Variants in PLD1 observed in about 807,000 individuals in gnomAD.
The protein encoded by PLD1 is phospholipase D1.
Under a neutral mutation model 137.1 loss-of-function variants are expected in PLD1, and 112 were observed. The observed-to-expected ratio is 0.82, with a 90% CI of 0.70 to 0.96. PLD1 has a LOEUF of 0.96. Among genes scored for constraint, PLD1 ranks in the 40% least tolerant of loss-of-function variants. PLD1 has a pLI of 0.00. For synonymous variants in PLD1, 431 were observed against 454.7 expected, an observed-to-expected ratio of 0.95 and a Z score of 0.66; for missense variants, 1,321 against 1,342.0, an observed-to-expected ratio of 0.98 and a Z score of 0.24.
At chr3:171,698,410 A>C (rs1560228723) in intron 12 of PLD1, among the ~76,000 whole-genome samples, 1 of 152,252 alleles carries the variant, frequency 6.6e-6, no homozygotes, top group Non-Finnish European at 1.5e-5. Context: ...ATGTGTTTCA[A>C]ATAAATATTA....
chr3:171,674,537 C>G lies in PLD1; in HGVS notation c.2192G>C (p.Arg731Thr), dbSNP rs769771470. The change falls in exon 19 of 27, where the codon AGA becomes ACA. Residue 731 changes from arginine to threonine, a missense_variant. Arg to Thr is a moderately conservative substitution (Grantham distance 71). Coordinates refer to ENST00000351298, the MANE Select transcript of PLD1 (RefSeq NM_002662.5). ...PKSQTTAHEL[R>T]YQVPGSVHAN... ...ATGGACAGACCCAGGCACTTGATAT[C>G]TCAACTCATGGGCTGTTGTTTGAGA... 72 of 1,610,326 alleles carry G rather than the reference C, an allele frequency of 4.5e-5. No individual in the cohort carries two copies. Among genetic ancestry groups the G allele is most frequent in the Non-Finnish European group, 5.2e-5 (61 of 1,176,964 alleles).
At chr3:171,692,493 A>G (rs763574567) in intron 12 of PLD1, 51 bp from the exon 13 acceptor site, 2 of 875,228 alleles carry the variant, frequency 2.3e-6, no homozygotes, top group Non-Finnish European at 3.9e-6. Flanking sequence ...GAGGGAAGTT[A>G]CAATTCATTT....
intron 8 of PLD1, among the ~76,000 whole-genome samples, chr3:171,721,918 A>AT (rs1399516574): frequency 6.6e-6 from 1 of 151,912 alleles, no homozygotes; most frequent in Non-Finnish European, 1.5e-5. Flanking sequence ...GCTTAATGGT[A>AT]TTTTTTTGTT....
At chr3:171,715,406 TTTG>T (rs1717598561) in intron 8 of PLD1, among the ~76,000 whole-genome samples, 1 of 152,154 alleles carries the variant, frequency 6.6e-6, no homozygotes. Context: ...CTAGCTTTGG[TTTG>T]TTTTTTGTTT....
At chr3:171,677,817 C>T (rs922738887) in intron 16 of PLD1, 123 bp from the exon 17 acceptor site, 3 of 923,452 alleles carry the variant, frequency 3.2e-6, no homozygotes, top group Non-Finnish European at 4.9e-6. Context: ...ACTAGGGTGG[C>T]ATCTGTCCAT....
At chr3:171,729,176 A>G (rs967560664) in intron 6 of PLD1, among the ~76,000 whole-genome samples, 1 of 152,210 alleles carries the variant, frequency 6.6e-6, no homozygotes, top group African/African-American at 2.4e-5. Flanking sequence ...GGCTTATTCC[A>G]TTGATCTTTT....
At chr3:171,703,636 A>G (rs1270164065) in intron 11 of PLD1, among the ~76,000 whole-genome samples, 1 of 152,250 alleles carries the variant, frequency 6.6e-6, no homozygotes, top group Non-Finnish European at 1.5e-5. Flanking sequence ...TATACATAGA[A>G]AAATACAAAA....
intron 23 of PLD1, among the ~76,000 whole-genome samples, chr3:171,627,494 C>T (rs558404109): frequency 6.6e-6 from 1 of 152,260 alleles, no homozygotes; most frequent in South Asian, 2.1e-4. Flanking sequence ...GAACTCAGCT[C>T]TGCACCAAGC....
Position 171,735,645 on chromosome 3 carries a change from G to A in PLD1, c.289-8C>T. Reference sequence around the variant, plus strand: ...AAGATTAATACTTGGTACCTACAGTGATACATAAAAATGTTTGATATTTTA... The same window carrying A: ...AAGATTAATACTTGGTACCTACAGTAATACATAAAAATGTTTGATATTTTA... On this transcript the variant is annotated splice_polypyrimidine_tract_variant and splice_region_variant and intron_variant, in intron 3 of 26. Transcript: ENST00000351298. 2 of 1,448,878 alleles carry A rather than the reference G, an allele frequency of 1.4e-6. No homozygotes were observed. Among genetic ancestry groups the A allele is most frequent in the Non-Finnish European group, 1.9e-6 (2 of 1,032,026 alleles). 89.8% of individuals were successfully genotyped at this position (1,448,878 alleles called of 1,614,324 possible).
chr3:171,794,434 A>G (rs1258708132), intron 1 of PLD1, among the ~76,000 whole-genome samples: 2 of 152,156 alleles, frequency 1.3e-5, no homozygotes, highest in Non-Finnish European at 2.9e-5. Flanking sequence ...AGACTACTGG[A>G]TGTGAAAAGA....
chr3:171,699,805 C>T lies in PLD1; in HGVS notation c.1167G>A (p.Leu389=). 1 of 1,613,902 alleles carries T rather than the reference C, an allele frequency of 6.2e-7. No homozygotes were observed. The highest frequency in any genetic ancestry group is 8.5e-7 in the Non-Finnish European group (1 of 1,179,810). ...GATTTCCCTCAACCACTGGGCGTTT[C>T]AGGAAGATTTCTGGACTCAGCCTGA... ...TDWWLSPEIF[L]KRPVVEGNRW... The change falls in exon 12 of 27, where the codon CTG becomes CTA. Residue 389 remains leucine (L), a synonymous_variant. Coordinates refer to ENST00000351298, the MANE Select transcript of PLD1 (RefSeq NM_002662.5).
intron 11 of PLD1, among the ~76,000 whole-genome samples, chr3:171,707,722 G>C (rs967863487): frequency 2.0e-5 from 3 of 152,106 alleles, no homozygotes; most frequent in Admixed American, 2.0e-4. Context: ...TCACAACTGG[G>C]AACTTACTAC....
chr3:171,632,844 C>T (rs1560163845), intron 23 of PLD1, among the ~76,000 whole-genome samples: 1 of 152,170 alleles, frequency 6.6e-6, no homozygotes, highest in Non-Finnish European at 1.5e-5. Flanking sequence ...CATCTATGTG[C>T]CATGCCAAAG....
chr3:171,801,296 C>A (rs532058180), intron 1 of PLD1, among the ~76,000 whole-genome samples: 2 of 152,368 alleles, frequency 1.3e-5, no homozygotes, highest in Admixed American at 6.5e-5. Context: ...GCTTTCACTG[C>A]CAACTTTATT....
chr3:171,800,547 T>C (rs1337919097), intron 1 of PLD1, among the ~76,000 whole-genome samples: 1 of 152,138 alleles, frequency 6.6e-6, no homozygotes, highest in African/African-American at 2.4e-5. Context: ...CAATAGTATG[T>C]TTTCTAAATG....
At chr3:171,646,442 G>A (rs1736218073) in intron 21 of PLD1, among the ~76,000 whole-genome samples, 1 of 152,028 alleles carries the variant, frequency 6.6e-6, no homozygotes, top group South Asian at 2.1e-4. Flanking sequence ...AGAAGTTCAG[G>A]GCAGAAATGA....
Position 171,686,719 on chromosome 3 carries a change from AC to A in PLD1, c.1832del (p.Ser611MetfsTer97). ...GTCTAGTGAGTCCTTGCTCAGACTCACTGGACGGGTGAAAGAGTTTGAAGTG... is the reference window on the plus strand; with the variant it reads ...GTCTAGTGAGTCCTTGCTCAGACTCATGGACGGGTGAAAGAGTTTGAAGTG... ...KPHFKLFHPS[S>X]ESEQGLTRPH... is the part of the protein sequence containing the mutation. On this transcript the variant is annotated frameshift_variant, in exon 16 of 27. Transcript: ENST00000351298. LOFTEE classifies it high-confidence loss of function. 6.2e-7 allele frequency: 1 copy of A among 1,607,806 alleles called. No individual in the cohort carries two copies. The highest frequency in any genetic ancestry group is 8.5e-7 in the Non-Finnish European group (1 of 1,174,260).
chr3:171,692,748 T>C (rs1354851069), intron 12 of PLD1, among the ~76,000 whole-genome samples: 1 of 152,114 alleles, frequency 6.6e-6, no homozygotes, highest in African/African-American at 2.4e-5. Context: ...CTCAAATTCC[T>C]GACCTCAAGT....
intron 21 of PLD1, among the ~76,000 whole-genome samples, chr3:171,652,764 C>CCA (rs1736889900): frequency 3.6e-5 from 4 of 112,670 alleles, no homozygotes; most frequent in Non-Finnish European, 7.1e-5. Flanking sequence ...GCACACTCAG[C>CCA]TATTTTTTTT....
Sources: gnomAD v4.1 joint callset for allele counts (sites outside exome capture counted in the v4.1 genomes callset) on GRCh38, gnomAD v4.1.1 for gene constraint, MANE v1.5 for transcripts, NCBI Gene and HGNC (gene_info 2026-07-23, HGNC 2026-07-21) for gene names.